Variants in DCPH1 observed in about 807,000 individuals in gnomAD.
The protein encoded by DCPH1 is damage-control phosphatase 1.
chr6:151,462,924 C>A, the DCPH1 span, among the ~76,000 whole-genome samples: 1 of 152,102 alleles, frequency 6.6e-6, no homozygotes, highest in Non-Finnish European at 1.5e-5. Context: ...GGTAGTAAAT[C>A]TTTTAGGCAT....
At chr6:151,456,021 C>T in the DCPH1 span, among the ~76,000 whole-genome samples, 1 of 152,214 alleles carries the variant, frequency 6.6e-6, no homozygotes, top group African/African-American at 2.4e-5. Flanking sequence ...TCCGAGTTGA[C>T]ACAGCACATG....
the DCPH1 span, among the ~76,000 whole-genome samples, chr6:151,457,467 G>C: frequency 6.6e-6 from 1 of 152,206 alleles, no homozygotes; most frequent in Admixed American, 6.5e-5. Context: ...TAAGACTTTA[G>C]GGAAGAGATT....
the DCPH1 span, chr6:151,468,225 TAA>T: frequency 1.5e-6 from 1 of 649,222 alleles, no homozygotes; most frequent in Non-Finnish European, 2.6e-6. Context: ...GATGGTCATG[TAA>T]AGAGTTTTGT....
the DCPH1 span, among the ~76,000 whole-genome samples, chr6:151,455,727 C>G: frequency 2.0e-5 from 3 of 152,198 alleles, no homozygotes; most frequent in Non-Finnish European, 2.9e-5. Flanking sequence ...ATGCCTTCCT[C>G]TTACACTAAT....
At chr6:151,459,072 G>A in the DCPH1 span, among the ~76,000 whole-genome samples, 2 of 152,198 alleles carry the variant, frequency 1.3e-5, no homozygotes, top group Non-Finnish European at 2.9e-5. Flanking sequence ...GGGAGGCAGA[G>A]GTTGCAGTGT....
the DCPH1 span, among the ~76,000 whole-genome samples, chr6:151,457,224 G>T: frequency 6.6e-6 from 1 of 152,310 alleles, no homozygotes; most frequent in South Asian, 2.1e-4. Flanking sequence ...TTTGGCAGAT[G>T]TGTGTCTCTT....
At chr6:151,456,965 A>G in the DCPH1 span, among the ~76,000 whole-genome samples, 1 of 152,092 alleles carries the variant, frequency 6.6e-6, no homozygotes, top group Admixed American at 6.5e-5. Flanking sequence ...GCCCTCCCCC[A>G]TTTCACACTC....
the DCPH1 span, among the ~76,000 whole-genome samples, chr6:151,458,850 C>T: frequency 2.6e-5 from 4 of 152,206 alleles, no homozygotes; most frequent in African/African-American, 9.6e-5. Flanking sequence ...ATCTAAAGTA[C>T]GAATTGGCCA....
At chr6:151,467,188 G>A in the DCPH1 span, among the ~76,000 whole-genome samples, 1 of 151,608 alleles carries the variant, frequency 6.6e-6, no homozygotes, top group East Asian at 1.9e-4. Context: ...TGAGGCAGAG[G>A]TGCAGTGAGC....
chr6:151,465,385 C>G, the DCPH1 span, among the ~76,000 whole-genome samples: 1 of 151,886 alleles, frequency 6.6e-6, no homozygotes, highest in Non-Finnish European at 1.5e-5. Flanking sequence ...AGGAAAAGGG[C>G]GTTGGGAATG....
chr6:151,467,008 T>C, the DCPH1 span, among the ~76,000 whole-genome samples: 9 of 152,204 alleles, frequency 5.9e-5, no homozygotes, highest in South Asian at 2.1e-4. Context: ...CCCAGCACTC[T>C]GGGAGGCCGA....
chr6:151,453,823 G>C, the DCPH1 span, among the ~76,000 whole-genome samples: 2 of 152,148 alleles, frequency 1.3e-5, no homozygotes, highest in Non-Finnish European at 2.9e-5. Flanking sequence ...GGTTTTGTAT[G>C]AATAAAATCA....
chr6:151,466,565 T>C, the DCPH1 span, among the ~76,000 whole-genome samples: 1 of 152,236 alleles, frequency 6.6e-6, no homozygotes, highest in Non-Finnish European at 1.5e-5. Context: ...ATTCTCGTTT[T>C]CAGAGAATGT....
At chr6:151,453,010 G>C in the DCPH1 span, among the ~76,000 whole-genome samples, 7 of 152,308 alleles carry the variant, frequency 4.6e-5, no homozygotes, top group African/African-American at 1.4e-4. Context: ...TAGTCGTCAC[G>C]CTACTGATTC....
the DCPH1 span, chr6:151,468,414 A>C: frequency 2.5e-6 from 4 of 1,605,682 alleles, no homozygotes; most frequent in Admixed American, 3.4e-5. Context: ...ATACCAATGT[A>C]CTAAATTCAT....
chr6:151,457,810 T>A, the DCPH1 span, among the ~76,000 whole-genome samples: 5 of 152,154 alleles, frequency 3.3e-5, no homozygotes, highest in African/African-American at 1.2e-4. Flanking sequence ...AGGTGTGAAG[T>A]CATTTTCACT....
chr6:151,468,370 C>T, the DCPH1 span: 1 of 1,559,690 alleles, frequency 6.4e-7, no homozygotes, highest in East Asian at 2.3e-5. Context: ...TAAGTGTGAT[C>T]TGTCTCTCTC....
At chr6:151,469,051 G>C in the DCPH1 span, 1 of 1,614,064 alleles carries the variant, frequency 6.2e-7, no homozygotes, top group South Asian at 1.1e-5. Context: ...CCTGGCCTCT[G>C]AGCCCAGCTG....
the DCPH1 span, chr6:151,452,749 G>C: frequency 4.8e-6 from 3 of 628,080 alleles, no homozygotes; most frequent in South Asian, 4.2e-5. Context: ...GGACTGGCTC[G>C]GAGGCGAAGG....
Sources: gnomAD v4.1 joint callset for allele counts (sites outside exome capture counted in the v4.1 genomes callset) on GRCh38, gnomAD v4.1.1 for gene constraint, MANE v1.5 for transcripts, NCBI Gene and HGNC (gene_info 2026-07-23, HGNC 2026-07-21) for gene names.